Variants in PAK1 observed in about 807,000 individuals in gnomAD.
PAK1 encodes the protein p21 (RAC1) activated kinase 1.
Under a neutral mutation model 67.4 loss-of-function variants are expected in PAK1, and 29 were observed. That is an observed-to-expected ratio of 0.43 (90% CI 0.32 to 0.59). The LOEUF (loss-of-function observed/expected upper bound fraction) is 0.59. PAK1 is among the 20% of genes least tolerant of loss of function. The pLI is 0.07. For missense variants in PAK1, 337 were observed against 670.7 expected, an observed-to-expected ratio of 0.50 and a Z score of 5.50; for synonymous variants, 223 against 237.4, an observed-to-expected ratio of 0.94 and a Z score of 0.56.
chr11:77,327,987 A>C (rs1423581061), intron 14 of PAK1, among the ~76,000 whole-genome samples: 1 of 152,214 alleles, frequency 6.6e-6, no homozygotes, highest in Non-Finnish European at 1.5e-5. Flanking sequence ...TTGCAATCCT[A>C]GTCTCTGATA....
the PAK1 span, among the ~76,000 whole-genome samples, chr11:77,481,657 G>A: frequency 7.5e-6 from 1 of 133,276 alleles, no homozygotes; most frequent in Non-Finnish European, 1.5e-5. Flanking sequence ...CCTGGTGACA[G>A]AGGGAGACTC....
chr11:77,472,481 T>C (rs886979234), intron 1 of PAK1, among the ~76,000 whole-genome samples: 1 of 152,222 alleles, frequency 6.6e-6, no homozygotes, highest in Non-Finnish European at 1.5e-5. Context: ...AATTCTTCAG[T>C]GGACTCTTGA....
chr11:77,444,675 T>C (rs192406624), intron 1 of PAK1, among the ~76,000 whole-genome samples: 100 of 152,352 alleles, frequency 6.6e-4, no homozygotes, highest in Non-Finnish European at 1.2e-3. Flanking sequence ...AAATGTGGCA[T>C]ACAGCAACAA....
chr11:77,528,191 T>A, the PAK1 span, among the ~76,000 whole-genome samples: 4 of 152,154 alleles, frequency 2.6e-5, no homozygotes, highest in Non-Finnish European at 5.9e-5. Flanking sequence ...ATCATCAATA[T>A]TTCAATCTCT....
intron 1 of PAK1, among the ~76,000 whole-genome samples, chr11:77,429,146 G>A (rs1288243417): frequency 2.2e-5 from 3 of 133,834 alleles, no homozygotes; most frequent in South Asian, 2.6e-4. Context: ...AGTACAGGAT[G>A]AACCTAGAAC....
intron 1 of PAK1, among the ~76,000 whole-genome samples, chr11:77,398,224 GTA>G (rs909377813): frequency 5.3e-5 from 8 of 151,850 alleles, no homozygotes; most frequent in African/African-American, 1.9e-4. Flanking sequence ...CTATTTTTTT[GTA>G]CCCATTAACC....
At chr11:77,468,291 T>A (rs1957691868) in intron 1 of PAK1, among the ~76,000 whole-genome samples, 1 of 152,150 alleles carries the variant, frequency 6.6e-6, no homozygotes, top group African/African-American at 2.4e-5. Flanking sequence ...CTACAGTCAA[T>A]CAATACCACG....
intron 1 of PAK1, among the ~76,000 whole-genome samples, chr11:77,417,468 T>C (rs1029524918): frequency 6.6e-5 from 10 of 152,122 alleles, no homozygotes; most frequent in African/African-American, 2.2e-4. Context: ...ATTTGAAAGG[T>C]TGGGGTTAGT....
intron 9 of PAK1, 95 bp downstream of exon 9, chr11:77,349,142 CCT>C: frequency 1.5e-6 from 1 of 648,450 alleles, no homozygotes; most frequent in Admixed American, 2.8e-5. Flanking sequence ...AAAAAAAAAA[CCT>C]AGAACTGTTC....
chr11:77,412,933 T>C (rs1954716188), intron 1 of PAK1, among the ~76,000 whole-genome samples: 1 of 152,176 alleles, frequency 6.6e-6, no homozygotes, highest in Admixed American at 6.6e-5. Flanking sequence ...GAACAACACA[T>C]TATAGAACAT....
chr11:77,444,567 A>T (rs1956512133), intron 1 of PAK1, among the ~76,000 whole-genome samples: 1 of 152,208 alleles, frequency 6.6e-6, no homozygotes, highest in Admixed American at 6.5e-5. Context: ...ATCTTCTATT[A>T]TTGTGAATGG....
the PAK1 span, among the ~76,000 whole-genome samples, chr11:77,498,724 C>T: frequency 3.4e-5 from 2 of 58,862 alleles, no homozygotes; most frequent in Non-Finnish European, 6.5e-5. Context: ...TTTTTTGAGA[C>T]AGAGTCTTGC....
At chr11:77,398,994 C>G (rs997954638) in intron 1 of PAK1, among the ~76,000 whole-genome samples, 1 of 152,074 alleles carries the variant, frequency 6.6e-6, no homozygotes, top group African/African-American at 2.4e-5. Context: ...TTCCTCCAAT[C>G]AAAAAAATAT....
chr11:77,362,014 T>G (rs983132923), intron 5 of PAK1, among the ~76,000 whole-genome samples: 1 of 149,802 alleles, frequency 6.7e-6, no homozygotes, highest in African/African-American at 2.4e-5. Flanking sequence ...CAAATGTTAC[T>G]AATTTAAGAT....
chr11:77,503,350 G>T, the PAK1 span, among the ~76,000 whole-genome samples: 8 of 152,338 alleles, frequency 5.3e-5, no homozygotes, highest in Admixed American at 1.3e-4. Context: ...TCCAGGAGGT[G>T]GTGGCCTCCC....
chr11:77,430,948 C>CA (rs1198513012), intron 1 of PAK1, among the ~76,000 whole-genome samples: 1 of 152,158 alleles, frequency 6.6e-6, no homozygotes. Flanking sequence ...TCAGTGGCAG[C>CA]ATTAGATTCT....
At chr11:77,361,586 C>T (rs1417770604) in intron 5 of PAK1, among the ~76,000 whole-genome samples, 1 of 151,816 alleles carries the variant, frequency 6.6e-6, no homozygotes, top group Non-Finnish European at 1.5e-5. Context: ...TTTTAAAGTG[C>T]TTTATTAAGA....
intron 1 of PAK1, among the ~76,000 whole-genome samples, chr11:77,472,169 T>C (rs561971762): frequency 4.2e-4 from 64 of 152,330 alleles, no homozygotes; most frequent in Non-Finnish European, 7.8e-4. Context: ...GATAAACGAA[T>C]TGACTGAATA....
At chr11:77,326,790 T>G (rs951151935) in intron 14 of PAK1, among the ~76,000 whole-genome samples, 2 of 152,150 alleles carry the variant, frequency 1.3e-5, no homozygotes, top group African/African-American at 4.8e-5. Context: ...GGATGGAGAA[T>G]GACTCTGACG....
Sources: gnomAD v4.1 joint callset for allele counts (sites outside exome capture counted in the v4.1 genomes callset) on GRCh38, gnomAD v4.1.1 for gene constraint, MANE v1.5 for transcripts, NCBI Gene and HGNC (gene_info 2026-07-23, HGNC 2026-07-21) for gene names.